CNOT7: variants seen among roughly 807,000 people sequenced by gnomAD.
CNOT7 encodes CCR4-NOT transcription complex subunit 7.
In CNOT7, 4 loss-of-function variants were observed where a neutral mutation model predicts 37.1. The observed-to-expected ratio is 0.11, with a 90% confidence interval of 0.05 to 0.25. The LOEUF is 0.25. CNOT7 is among the 10% of genes least tolerant of loss of function. The pLI, the probability that CNOT7 is intolerant of heterozygous loss-of-function variation, is 1.00. For synonymous variants in CNOT7, 128 were observed against 115.6 expected, an observed-to-expected ratio of 1.11 and a Z score of -0.69; for missense variants, 170 against 336.2, an observed-to-expected ratio of 0.51 and a Z score of 3.87.
chr8:17,246,079 T>C (rs977177193), intron 1 of CNOT7: 1 of 152,196 alleles, frequency 6.6e-6, no homozygotes, highest in Non-Finnish European at 1.5e-5. Context: ...CCCTCCTTTA[T>C]AACTCTCCCA....
At chr8:17,233,540 A>C (rs1244634271) in intron 5 of CNOT7, among the ~76,000 whole-genome samples, 2 of 152,194 alleles carry the variant, frequency 1.3e-5, no homozygotes, top group Non-Finnish European at 2.9e-5. Flanking sequence ...TAACAACCAC[A>C]TGATGAGCAA....
intron 4 of CNOT7, among the ~76,000 whole-genome samples, chr8:17,236,185 T>C (rs1412645788): frequency 2.0e-5 from 3 of 152,170 alleles, no homozygotes; most frequent in Non-Finnish European, 2.9e-5. Context: ...CACATCAAAG[T>C]TGCCCACATG....
chr8:17,235,407 T>A (rs1809214654), intron 4 of CNOT7, among the ~76,000 whole-genome samples: 1 of 152,206 alleles, frequency 6.6e-6, no homozygotes, highest in African/African-American at 2.4e-5. Flanking sequence ...TGTTAAGTAG[T>A]CTCTCCCTTT....
At chr8:17,235,722 C>G (rs1005527251) in intron 4 of CNOT7, among the ~76,000 whole-genome samples, 1 of 152,066 alleles carries the variant, frequency 6.6e-6, no homozygotes, top group South Asian at 2.1e-4. Flanking sequence ...ATTATATTAG[C>G]GCTTAGGATT....
chr8:17,228,068 AACTT>A lies in CNOT7; in HGVS notation c.*2648_*2651del, dbSNP rs1256910026. 1 of 151,876 alleles carries A rather than the reference AACTT, an allele frequency of 6.6e-6. No individual in the cohort carries two copies. Among genetic ancestry groups the A allele is most frequent in the Non-Finnish European group, 1.5e-5 (1 of 67,810 alleles). 9.4% of individuals were successfully genotyped at this position (151,876 alleles called of 1,614,324 possible). On this transcript the variant is annotated 3_prime_UTR_variant, in exon 7 of 7. Transcript: ENST00000361272. Reference sequence around the variant, plus strand: ...ATTAGTGTGGCTGCATTCCAATAAAAACTTATAGACACTAAAATTTGAATTTCAT... The same window carrying A: ...ATTAGTGTGGCTGCATTCCAATAAAAATAGACACTAAAATTTGAATTTCAT...
At chr8:17,243,612 A>G (rs1161317163) in intron 2 of CNOT7, 1 of 457,448 alleles carries the variant, frequency 2.2e-6, no homozygotes, top group Non-Finnish European at 4.4e-6. Flanking sequence ...GTTTTTCTCA[A>G]CACCAAAACC....
In CNOT7 at chr8:17,225,487, G is replaced by A. The variant is rs1808091823; in HGVS notation, c.*5233C>T. On this transcript the variant is annotated 3_prime_UTR_variant, in exon 7 of 7. Transcript: ENST00000361272. ...ACTATGGCTACAAAGCAATGAAATG[G>A]ACTTCTAAAGAGAAATTGCTCAATT... is the stretch of plus-strand genomic sequence containing the variant. The A allele has an allele frequency of 6.6e-6, 1 of 151,724 alleles. No individual in the cohort carries two copies. The highest frequency in any genetic ancestry group is 2.4e-5 in the African/African-American group (1 of 41,408). 9.4% of individuals were successfully genotyped at this position (151,724 alleles called of 1,614,324 possible).
intron 1 of CNOT7, 59 bp downstream of exon 1, chr8:17,246,616 C>G (rs923942628): frequency 1.3e-5 from 2 of 155,682 alleles, no homozygotes; most frequent in Non-Finnish European, 2.9e-5. Context: ...TCCCCGCCCC[C>G]TTTCTACTTC....
At chr8:17,231,054 G>C (rs1025373218) in intron 6 of CNOT7, among the ~76,000 whole-genome samples, 1 of 151,976 alleles carries the variant, frequency 6.6e-6, no homozygotes, top group African/African-American at 2.4e-5. Flanking sequence ...CAAAGAAAGA[G>C]ACTACAAAAA....
At position 17,234,767 on chromosome 8, in the gene CNOT7, A is replaced by G. The variant is rs375015417; in HGVS notation, c.567T>C (p.Phe189=). ...LDFFEILRLF[F]PVIYDVKYLM... is the part of the protein sequence containing the mutation. ...GGTACTTCACATCATAAATGACAGG[A>G]AAAAACAATCGAAGGATCTCAAAGA... Residue 189 remains phenylalanine (F), a synonymous_variant, in exon 5 of 7, where the codon TTT becomes TTC. Transcript: ENST00000361272. The G allele has an allele frequency of 6.2e-7, 1 of 1,613,960 alleles. No homozygotes were observed. Among genetic ancestry groups the G allele is most frequent in the Non-Finnish European group, 8.5e-7 (1 of 1,179,946 alleles).
At position 17,242,942 on chromosome 8, in the gene CNOT7, T is replaced by C. The variant is rs372089846; in HGVS notation, c.311+50A>G. ...ACTTGAGGAAAATCAATTCCTAAGATTAAAGAAAAAAAAAAAAAAGTCTGG... is the reference window on the plus strand; with the variant it reads ...ACTTGAGGAAAATCAATTCCTAAGACTAAAGAAAAAAAAAAAAAAGTCTGG... On this transcript the variant is annotated intron_variant, in intron 3 of 6. Coordinates refer to ENST00000361272, the MANE Select transcript of CNOT7 (RefSeq NM_013354.7). The C allele has an allele frequency of 8.3e-4, 1,090 of 1,305,444 alleles. 3 individuals are homozygous for C. Among genetic ancestry groups the C allele is most frequent in the Non-Finnish European group, 1.1e-3 (1,037 of 964,492 alleles). The allele number at this position is 1,305,444 out of a possible 1,614,324, so 80.9% of individuals were successfully genotyped here. A position where few individuals can be genotyped will look rare whatever the true frequency, so the allele number is the denominator to read the frequency against.
intron 3 of CNOT7, among the ~76,000 whole-genome samples, chr8:17,239,419 C>G (rs981434443): frequency 1.3e-5 from 2 of 152,150 alleles, no homozygotes; most frequent in African/African-American, 2.4e-5. Flanking sequence ...AATGAAGCAT[C>G]AGCATCCTTT....
chr8:17,243,072 T>C lies in CNOT7; in HGVS notation c.231A>G (p.Leu77=). ...CTTGCTCATTCATAAATGTCAGTCC[T>C]AGCTGAATTATCTTTAACAAGTCTA... ...CNVDLLKIIQ[L]GLTFMNEQGE... The change falls in exon 3 of 7, where the codon CTA becomes CTG. Residue 77 remains leucine (L), a synonymous_variant. Coordinates refer to ENST00000361272, the MANE Select transcript of CNOT7 (RefSeq NM_013354.7). The C allele has an allele frequency of 6.2e-7, 1 of 1,612,196 alleles. No homozygotes were observed. Among genetic ancestry groups the C allele is most frequent in the Non-Finnish European group, 8.5e-7 (1 of 1,179,428 alleles).
At chr8:17,246,117 G>A (rs1180401838) in intron 1 of CNOT7, 1 of 151,988 alleles carries the variant, frequency 6.6e-6, no homozygotes, top group Non-Finnish European at 1.5e-5. Flanking sequence ...ACACACATAA[G>A]CACAAAAACA....
rs1048730929 is a variant in CNOT7 at position 17,226,211 on chromosome 8, G to A, written c.*4509C>T. On this transcript the variant is annotated 3_prime_UTR_variant, in exon 7 of 7. Coordinates refer to ENST00000361272, the MANE Select transcript of CNOT7 (RefSeq NM_013354.7). ...ATTTTTTTTTCTTTTTTTAGTAATAGAGTTCTACTAATGGGAATAATGGGA... is the reference window on the plus strand; with the variant it reads ...ATTTTTTTTTCTTTTTTTAGTAATAAAGTTCTACTAATGGGAATAATGGGA... The A allele has an allele frequency of 3.3e-5, 5 of 150,728 alleles. No individual in the cohort carries two copies. Among genetic ancestry groups the A allele is most frequent in the African/African-American group, 4.9e-5 (2 of 41,116 alleles). The allele number at this position is 150,728 out of a possible 1,614,324, so 9.3% of individuals were successfully genotyped here. A position where few individuals can be genotyped will look rare whatever the true frequency, so the allele number is the denominator to read the frequency against.
chr8:17,240,969 A>G (rs991406408), intron 3 of CNOT7, among the ~76,000 whole-genome samples: 3 of 152,204 alleles, frequency 2.0e-5, no homozygotes, highest in African/African-American at 4.8e-5. Flanking sequence ...ATGTTTTAAG[A>G]AAGTTTACGA....
In CNOT7 at chr8:17,226,244, G is replaced by T. The variant is rs1392666604; in HGVS notation, c.*4476C>A. 1 of 150,614 alleles carries T rather than the reference G, an allele frequency of 6.6e-6. No individual in the cohort carries two copies. Among genetic ancestry groups the T allele is most frequent in the African/African-American group, 2.4e-5 (1 of 41,104 alleles). The allele number at this position is 150,614 out of a possible 1,614,324, so 9.3% of individuals were successfully genotyped here. ...CTAATGGGAATAATGGGATTTTTTG[G>T]CAGGGGACGGGAGGTAACATTTTGC... On this transcript the variant is annotated 3_prime_UTR_variant, in exon 7 of 7. Coordinates refer to ENST00000361272, the MANE Select transcript of CNOT7 (RefSeq NM_013354.7).
In CNOT7 at chr8:17,234,232, C is replaced by T. The variant is rs1809027545; in HGVS notation, c.618+484G>A. On this transcript the variant is annotated intron_variant, in intron 5 of 6. Transcript: ENST00000361272. Reference sequence around the variant, plus strand: ...TATAGTTTAATCCTAGGAGCATTATCCTATCACTAGAACTGACAAAATAAT... The same window carrying T: ...TATAGTTTAATCCTAGGAGCATTATTCTATCACTAGAACTGACAAAATAAT... Among the ~76,000 whole-genome samples, 4 of 152,264 alleles carry T rather than the reference C, an allele frequency of 2.6e-5. No homozygotes were observed. The South Asian group carries it at 8.3e-4, about 32-fold the overall frequency.
Position 17,230,598 on chromosome 8 carries a change from T to C in CNOT7, c.*122A>G. On this transcript the variant is annotated 3_prime_UTR_variant, in exon 7 of 7. Coordinates refer to ENST00000361272, the MANE Select transcript of CNOT7 (RefSeq NM_013354.7). ...ATACTTAGTACTGAAAGGCAGACAA[T>C]AAAATGGGCCATGAAAGGGGGGGGA... The C allele has an allele frequency of 4.3e-6, 3 of 696,500 alleles. No individual in the cohort carries two copies. The highest frequency in any genetic ancestry group is 6.7e-6 in the Non-Finnish European group (3 of 450,510). 43.1% of individuals were successfully genotyped at this position (696,500 alleles called of 1,614,324 possible).
Sources: gnomAD v4.1 joint callset for allele counts (sites outside exome capture counted in the v4.1 genomes callset) on GRCh38, gnomAD v4.1.1 for gene constraint, MANE v1.5 for transcripts, NCBI Gene and HGNC (gene_info 2026-07-23, HGNC 2026-07-21) for gene names.